Variants in AGBL1 observed in about 807,000 individuals in gnomAD.
AGBL1 encodes cytosolic carboxypeptidase 4.
AGBL1 carries 130 observed loss-of-function variants against 118.9 expected under a neutral mutation model. The ratio of observed to expected loss-of-function variants is 1.09; its 90% CI spans 0.95 to 1.26. AGBL1 has a LOEUF of 1.26. Among genes scored for constraint, AGBL1 ranks in the 50% most tolerant of loss-of-function variants. The pLI is 0.00. For missense variants in AGBL1, 1,584 were observed against 1,298.1 expected, an observed-to-expected ratio of 1.22 and a Z score of -3.38; for synonymous variants, 555 against 478.9, an observed-to-expected ratio of 1.16 and a Z score of -2.08.
intron 18 of AGBL1, among the ~76,000 whole-genome samples, chr15:86,463,822 A>T (rs1372359578): frequency 6.6e-6 from 1 of 152,108 alleles, no homozygotes; most frequent in South Asian, 2.1e-4. Flanking sequence ...TACCAGTTCC[A>T]TGCTGTTTTG....
intron 22 of AGBL1, among the ~76,000 whole-genome samples, chr15:86,735,292 G>A (rs1229095051): frequency 1.3e-5 from 2 of 151,908 alleles, no homozygotes; most frequent in East Asian, 3.9e-4. Context: ...TGTCGGTCAG[G>A]ATGGTTTTGA....
chr15:86,857,310 C>T (rs1373560228), intron 22 of AGBL1, among the ~76,000 whole-genome samples: 1 of 152,172 alleles, frequency 6.6e-6, no homozygotes, highest in Non-Finnish European at 1.5e-5. Context: ...ACCCATCCAT[C>T]AGCTTCCCAT....
chr15:86,202,493 A>G (rs1567122861), intron 5 of AGBL1, among the ~76,000 whole-genome samples: 1 of 152,184 alleles, frequency 6.6e-6, no homozygotes, highest in Non-Finnish European at 1.5e-5. Flanking sequence ...TCATAGTAAA[A>G]TGAGACAGCC....
rs115915999 is a variant in AGBL1 at position 86,665,171 on chromosome 15, G to A, written c.2995-9102G>A. Reference sequence around the variant, plus strand: ...AACACATGATGTCAATATTTCCACGGTGTGAATTCACTCAAGTTTATTTGA... The same window carrying A: ...AACACATGATGTCAATATTTCCACGATGTGAATTCACTCAAGTTTATTTGA... On this transcript the variant is annotated intron_variant, in intron 21 of 22. Transcript: ENST00000614907. Among the ~76,000 whole-genome samples, 1,020 of 152,126 alleles carry A rather than the reference G, an allele frequency of 6.7e-3. 8 individuals are homozygous for A. The highest frequency in any genetic ancestry group is 0.021 in the East Asian group (107 of 5,174).
At position 86,154,553 on chromosome 15, in the gene AGBL1, C is replaced by T. The variant is rs767859259; in HGVS notation, c.386C>T (p.Ala129Val). 19 of 1,607,380 alleles carry T rather than the reference C, an allele frequency of 1.2e-5. No individual in the cohort carries two copies. The highest frequency in any genetic ancestry group is 1.6e-5 in the Non-Finnish European group (19 of 1,176,494). ...LHCLWALRVFASSVSMGAMLG... is the reference protein window; with the variant it reads ...LHCLWALRVFVSSVSMGAMLG... ...TGTCTCTGGGCTCTGCGTGTGTTTG[C>T]CTCCAGTGGTAAGTGACTCTATTGT... Residue 129 changes from alanine (A) to valine (V), a missense_variant, in exon 4 of 23, where the codon GCC becomes GTC. Transcript: ENST00000614907.
At chr15:86,834,292 A>T (rs2079143706) in intron 22 of AGBL1, among the ~76,000 whole-genome samples, 1 of 152,170 alleles carries the variant, frequency 6.6e-6, no homozygotes, top group Non-Finnish European at 1.5e-5. Flanking sequence ...TCACTCCATC[A>T]GGCAAGCAAC....
rs141199527 is a variant in AGBL1, at chr15:86,251,556, T to C, written c.735+3677T>C. ...GAGACTGACTGTAAAGGAACTTTTT[T>C]TAAGTCCTTCCCACACCTTTGCCAT... On this transcript the variant is annotated intron_variant, in intron 7 of 22. Coordinates refer to ENST00000614907, the MANE Select transcript of AGBL1 (RefSeq NM_001386094.1). Among the ~76,000 whole-genome samples the C allele has an allele frequency of 4.1e-3, 620 of 152,316 alleles. 5 individuals carry two copies. Among genetic ancestry groups the C allele is most frequent in the African/African-American group, 0.014 (576 of 41,558 alleles).
chr15:86,877,169 A>G (rs1377856824), intron 22 of AGBL1, among the ~76,000 whole-genome samples: 1 of 151,658 alleles, frequency 6.6e-6, no homozygotes, highest in Non-Finnish European at 1.5e-5. Flanking sequence ...ATCCCTGCCC[A>G]CTCTTCCTGT....
At chr15:86,662,543 C>T (rs927795127) in intron 21 of AGBL1, among the ~76,000 whole-genome samples, 4 of 152,166 alleles carry the variant, frequency 2.6e-5, no homozygotes, top group Non-Finnish European at 4.4e-5. Context: ...TATTTTGGAG[C>T]AGTGCTACTC....
intron 17 of AGBL1, among the ~76,000 whole-genome samples, chr15:86,324,103 ATTACT>A (rs2080146687): frequency 6.6e-6 from 1 of 152,352 alleles, no homozygotes; most frequent in Admixed American, 6.5e-5. Flanking sequence ...TAATTTAAAA[ATTACT>A]TTAATTTAGT....
chr15:86,829,701 A>G (rs2079077109), intron 22 of AGBL1, among the ~76,000 whole-genome samples: 1 of 152,194 alleles, frequency 6.6e-6, no homozygotes, highest in African/African-American at 2.4e-5. Context: ...AAGATCAGAG[A>G]CCAGCAGATT....
rs888051596 is a variant in AGBL1 at position 86,320,144 on chromosome 15, A to T, written c.2374+24736A>T. On this transcript the variant is annotated intron_variant, in intron 17 of 22. Transcript: ENST00000614907. ...TTGTCTACTTTTAAAACAAAAATATAAAATGTCTATTGAGATTTTTCATTG... is the reference window on the plus strand; with the variant it reads ...TTGTCTACTTTTAAAACAAAAATATTAAATGTCTATTGAGATTTTTCATTG... 9.2e-5 allele frequency among the ~76,000 whole-genome samples: 14 copies of T among 152,316 alleles called. No homozygotes were observed. In the South Asian group the frequency reaches 2.7e-3, roughly 29 times the overall value.
intron 5 of AGBL1, among the ~76,000 whole-genome samples, chr15:86,211,540 G>A (rs1465060830): frequency 6.6e-6 from 1 of 152,196 alleles, no homozygotes; most frequent in Non-Finnish European, 1.5e-5. Flanking sequence ...TCAAGCCTCA[G>A]CAATGGCGAA....
Position 86,626,139 on chromosome 15 carries a change from C to G in AGBL1, c.2995-48134C>G, listed in dbSNP as rs113608791. On this transcript the variant is annotated intron_variant, in intron 21 of 22. Transcript: ENST00000614907. ...CTAAAGACAGAAATACCGTTCGACC[C>G]AGCAATCCCATTACTGAGTATATAC... Among the ~76,000 whole-genome samples, 57 of 152,256 alleles carry G rather than the reference C, an allele frequency of 3.7e-4. 2 individuals carry two copies. Among genetic ancestry groups the G allele is most frequent in the African/African-American group, 1.3e-3 (55 of 41,552 alleles).
At chr15:86,849,847 G>T (rs2141455924) in intron 22 of AGBL1, among the ~76,000 whole-genome samples, 1 of 152,308 alleles carries the variant, frequency 6.6e-6, no homozygotes, top group Non-Finnish European at 1.5e-5. Flanking sequence ...CACTGTGCTT[G>T]CTTTAGAAAC....
chr15:86,316,146 G>A (rs1351471626), intron 17 of AGBL1, among the ~76,000 whole-genome samples: 4 of 152,136 alleles, frequency 2.6e-5, no homozygotes. Context: ...ATAGACCCAT[G>A]AAGGATGCCT....
intron 21 of AGBL1, among the ~76,000 whole-genome samples, chr15:86,612,436 T>C (rs1596309298): frequency 3.6e-5 from 1 of 28,028 alleles, no homozygotes. Flanking sequence ...CATGATGGGG[T>C]CGGGGGAGGG....
At chr15:86,325,146 G>A (rs1353218938) in intron 17 of AGBL1, among the ~76,000 whole-genome samples, 1 of 152,190 alleles carries the variant, frequency 6.6e-6, no homozygotes. Context: ...TAGGATGGAG[G>A]CCTAGAAGAC....
At chr15:86,629,929 A>G (rs2084939546) in intron 21 of AGBL1, among the ~76,000 whole-genome samples, 1 of 152,262 alleles carries the variant, frequency 6.6e-6, no homozygotes, top group South Asian at 2.1e-4. Context: ...TCTCCTTAGT[A>G]GAACTAATTA....
Sources: gnomAD v4.1 joint callset for allele counts (sites outside exome capture counted in the v4.1 genomes callset) on GRCh38, gnomAD v4.1.1 for gene constraint, MANE v1.5 for transcripts, NCBI Gene and HGNC (gene_info 2026-07-23, HGNC 2026-07-21) for gene names.